The following PWWP3A variants were observed in gnomAD, a reference collection of about 807,000 sequenced individuals.
The protein encoded by PWWP3A is PWWP domain containing 3A, DNA repair factor.
PWWP3A carries 53 observed loss-of-function variants against 79.0 expected under a neutral mutation model. The observed-to-expected ratio is 0.67, with a 90% CI of 0.54 to 0.84. The LOEUF is 0.84. Ranked by LOEUF, PWWP3A falls within the 40% of genes least tolerant of loss-of-function variation. The pLI is 0.00. For missense variants in PWWP3A, 973 were observed against 948.0 expected (o/e 1.03, Z -0.35); for synonymous variants, 443 against 394.4 (o/e 1.12, Z -1.46).
chr19:1,368,865 TGC>T lies in PWWP3A; in HGVS notation c.1423-398_1423-397del, dbSNP rs1274383433. ...AGCCTTCGGGTCCCCGGTGCCCACC[TGC>T]GTTCAGACCAGCCCAAGCCATCGGG... On this transcript the variant is annotated intron_variant, in intron 9 of 13. Transcript: ENST00000591337. The surrounding 1 kb of genome is among the most constrained non-coding windows in gnomAD (Gnocchi z 4.7). Among the ~76,000 whole-genome samples, 2 of 143,410 alleles carry T rather than the reference TGC, an allele frequency of 1.4e-5. No individual in the cohort carries two copies. Among genetic ancestry groups the T allele is most frequent in the African/African-American group, 5.5e-5 (2 of 36,194 alleles). 94.1% of individuals were successfully genotyped at this position (143,410 alleles called of 152,430 possible).
chr19:1,370,048 A>T (rs1484000342), intron 11 of PWWP3A, among the ~76,000 whole-genome samples: 1 of 152,324 alleles, frequency 6.6e-6, no homozygotes, highest in East Asian at 1.9e-4. Context: ...TGATCAACAG[A>T]GCAAGACCCC....
chr19:1,360,960 C>T lies in PWWP3A; in HGVS notation c.1039C>T (p.Pro347Ser). The change falls in exon 5 of 14, where the codon CCG (proline) becomes TCG (serine). Residue 347 changes from proline to serine, a missense_variant. Pro to Ser is a moderately conservative substitution (Grantham distance 74, BLOSUM62 -1). Coordinates refer to ENST00000591337, the MANE Select transcript of PWWP3A (RefSeq NM_001369789.1). This position sits in a 1 kb window ranked among gnomAD's most constrained non-coding sequence, Gnocchi z 4.4. ...CCCGCGCAGCACCGCCAGGCTGGGCCCGCCTCCCTCCCACGCCTCTGCGGA... is the reference window on the plus strand; with the variant it reads ...CCCGCGCAGCACCGCCAGGCTGGGCTCGCCTCCCTCCCACGCCTCTGCGGA... ...VTPRSTARLG[P>S]PPSHASADAT... 1.4e-6 allele frequency: 2 copies of T among 1,476,386 alleles called. No individual in the cohort carries two copies. The highest frequency in any genetic ancestry group is 1.4e-5 in the South Asian group (1 of 72,224). 91.5% of individuals were successfully genotyped at this position (1,476,386 alleles called of 1,614,324 possible). A position where few individuals can be genotyped will look rare whatever the true frequency, so the allele number is the denominator to read the frequency against.
intron 13 of PWWP3A, among the ~76,000 whole-genome samples, chr19:1,375,604 AAT>A (rs1249832128): frequency 4.3e-5 from 2 of 46,568 alleles, no homozygotes; most frequent in Non-Finnish European, 9.2e-5. Context: ...TATATATTAT[AAT>A]ATATACAATT....
chr19:1,356,375 G>T lies in PWWP3A; in HGVS notation c.-18G>T, dbSNP rs763957675. On this transcript the variant is annotated 5_prime_UTR_variant, in exon 2 of 14. Transcript: ENST00000591337. ...ACGTTGTGCCAAATCATTGCCACTT[G>T]CCACATGAGTGTAAATGATGGCGGA... 6 of 1,614,040 alleles carry T rather than the reference G, an allele frequency of 3.7e-6. No individual in the cohort carries two copies. Among genetic ancestry groups the T allele is most frequent in the Non-Finnish European group, 5.1e-6 (6 of 1,179,864 alleles).
At chr19:1,356,684 A>G (rs2081878665) in intron 2 of PWWP3A, among the ~76,000 whole-genome samples, 1 of 152,038 alleles carries the variant, frequency 6.6e-6, no homozygotes, top group South Asian at 2.1e-4. Flanking sequence ...CAGCTGTAAA[A>G]AGGCATGTAA....
intron 12 of PWWP3A, chr19:1,371,584 G>A: frequency 1.7e-6 from 1 of 603,158 alleles, no homozygotes; most frequent in Non-Finnish European, 3.0e-6. Flanking sequence ...TTGGGGCTTG[G>A]TGAGGAGCAA....
chr19:1,362,379 G>T, intron 6 of PWWP3A, 28 bp downstream of exon 6: 1 of 1,586,006 alleles, frequency 6.3e-7, no homozygotes, highest in South Asian at 1.1e-5. Context: ...GGCGCCGGCA[G>T]TCCTAACGGT....
In PWWP3A at chr19:1,370,231, G is replaced by A. The variant is rs185524747; in HGVS notation, c.1550-411G>A. 8.5e-5 allele frequency among the ~76,000 whole-genome samples: 13 copies of A among 152,270 alleles called. 1 individual carries two copies. The East Asian group carries it at 2.5e-3, about 29-fold the overall frequency. ...AGCCTGGGTGACAGAGCAAGACCTG[G>A]TCTCAAAAAGAGAACGTGTCACGAA... On this transcript the variant is annotated intron_variant, in intron 11 of 13. Transcript: ENST00000591337.
rs553375728 is a variant in PWWP3A, at chr19:1,370,661, C to A, written c.1569C>A (p.Ser523=). 6.2e-6 allele frequency: 9 copies of A among 1,449,892 alleles called. No homozygotes were observed. In the African/African-American group the frequency reaches 1.3e-4, roughly 21 times the overall value. 89.8% of individuals were successfully genotyped at this position (1,449,892 alleles called of 1,614,324 possible). A position where few individuals can be genotyped will look rare whatever the true frequency, so the allele number is the denominator to read the frequency against. The change falls in exon 12 of 14, where the codon TCC becomes TCA. Residue 523 remains serine (S), a synonymous_variant. Transcript: ENST00000591337. ...TTGCAGGCTATCCTGTCCGAAAATC[C>A]ATCCAGCAGGACGTCTTGGGGACCA... ...AADISYPVRK[S]IQQDVLGTKL...
chr19:1,360,312 T>C lies in PWWP3A; in HGVS notation c.391T>C (p.Cys131Arg). Residue 131 changes from cysteine to arginine, a missense_variant, in exon 5 of 14, where the codon TGT (cysteine) becomes CGT (arginine). Transcript: ENST00000591337. The surrounding 1 kb of genome is among the most constrained non-coding windows in gnomAD (Gnocchi z 4.4). ...GKPMEHVSSPCDSNSSSLPRG... is the reference protein window; with the variant it reads ...GKPMEHVSSPRDSNSSSLPRG... The stretch of plus-strand genomic sequence containing the variant: ...GCCCATGGAGCATGTCTCCTCGCCC[T>C]GTGATTCGAACTCCTCATCTCTTCC... 1 of 1,613,850 alleles carries C rather than the reference T, an allele frequency of 6.2e-7. No homozygotes were observed. The highest frequency in any genetic ancestry group is 8.5e-7 in the Non-Finnish European group (1 of 1,179,788).
In PWWP3A at chr19:1,360,156, G is replaced by A. The variant is rs1180684780; in HGVS notation, c.235G>A (p.Ala79Thr). 2 of 1,568,654 alleles carry A rather than the reference G, an allele frequency of 1.3e-6. No homozygotes were observed. The highest frequency in any genetic ancestry group is 2.2e-5 in the East Asian group (1 of 44,536). The change falls in exon 5 of 14, where the codon GCG becomes ACG. Residue 79 changes from alanine to threonine, a missense_variant. Physicochemically the swap from Ala to Thr is moderately conservative, Grantham distance 58 (BLOSUM62 0). Transcript: ENST00000591337. This position sits in a 1 kb window ranked among gnomAD's most constrained non-coding sequence, Gnocchi z 4.4. ...TGCAGCCTCACAGAATGAGGTTCCT[G>A]CGGCACCCCTGGAAGAACTGGCCTA... The part of the protein sequence containing the change: ...SSLASQNEVP[A>T]APLEELAYRR...
Position 1,360,030 on chromosome 19 carries a change from T to C in PWWP3A, c.215-106T>C, listed in dbSNP as rs1391390057. 5.1e-6 allele frequency: 6 copies of C among 1,186,754 alleles called. No individual in the cohort carries two copies. The highest frequency in any genetic ancestry group is 5.6e-6 in the Non-Finnish European group (5 of 885,884). The allele number at this position is 1,186,754 out of a possible 1,614,324, so 73.5% of individuals were successfully genotyped here. A position where few individuals can be genotyped will look rare whatever the true frequency, so the allele number is the denominator to read the frequency against. The stretch of plus-strand genomic sequence containing the variant: ...GTCCTCCCCTTCAGTGATTTAGGTA[T>C]GAAACTAGCCGTCAGAATGAGACAA... On this transcript the variant is annotated intron_variant, in intron 4 of 13. Transcript: ENST00000591337. This position sits in a 1 kb window ranked among gnomAD's most constrained non-coding sequence, Gnocchi z 4.4.
intron 13 of PWWP3A, among the ~76,000 whole-genome samples, chr19:1,375,493 T>C (rs1009513460): frequency 2.3e-5 from 3 of 131,268 alleles, no homozygotes; most frequent in Non-Finnish European, 3.1e-5. Context: ...ATATAAAATA[T>C]ATAAATTTTA....
chr19:1,367,904 C>T (rs551695012), intron 9 of PWWP3A, among the ~76,000 whole-genome samples: 4 of 152,288 alleles, frequency 2.6e-5, no homozygotes, highest in East Asian at 1.9e-4. Context: ...GTGTCTTTTC[C>T]ACTCTCAGGG....
chr19:1,367,294 C>T, intron 9 of PWWP3A, 74 bp downstream of exon 9: 1 of 1,285,754 alleles, frequency 7.8e-7, no homozygotes, highest in Non-Finnish European at 1.1e-6. Flanking sequence ...CTGTGTGTAG[C>T]TCTTGAAATC....
Position 1,362,239 on chromosome 19 carries a change from A to C in PWWP3A, c.1112-11A>C. On this transcript the variant is annotated splice_polypyrimidine_tract_variant and intron_variant, in intron 5 of 13. Coordinates refer to ENST00000591337, the MANE Select transcript of PWWP3A (RefSeq NM_001369789.1). ...AATGACCATGAAAGTCTAATATCACATTATTGGCAGAGTGCCAGTCTTCCG... is the reference window on the plus strand; with the variant it reads ...AATGACCATGAAAGTCTAATATCACCTTATTGGCAGAGTGCCAGTCTTCCG... The C allele has an allele frequency of 6.2e-7, 1 of 1,605,766 alleles. No individual in the cohort carries two copies. The highest frequency in any genetic ancestry group is 1.1e-5 in the South Asian group (1 of 90,164).
chr19:1,376,661 A>AG lies in PWWP3A; in HGVS notation c.*90dup. 4 of 1,382,532 alleles carry AG rather than the reference A, an allele frequency of 2.9e-6. No individual in the cohort carries two copies. The highest frequency in any genetic ancestry group is 4.1e-6 in the Non-Finnish European group (4 of 982,576). 85.6% of individuals were successfully genotyped at this position (1,382,532 alleles called of 1,614,324 possible). On this transcript the variant is annotated 3_prime_UTR_variant, in exon 14 of 14. Coordinates refer to ENST00000591337, the MANE Select transcript of PWWP3A (RefSeq NM_001369789.1). Reference sequence around the variant, plus strand: ...GAGCGTGTCTGAAGATGGGGGGCTCAGGGGGCACGTTTGCGTTTGGACCTG... The same window carrying AG: ...GAGCGTGTCTGAAGATGGGGGGCTCAGGGGGGCACGTTTGCGTTTGGACCTG...
rs1443009108 is a variant in PWWP3A at position 1,356,421 on chromosome 19, G to A, written c.29G>A (p.Arg10Gln). MADAKYVLC[R>Q]WEKRLWPAKV... The stretch of plus-strand genomic sequence containing the variant: ...GCGGATGCCAAGTATGTCCTCTGCC[G>A]ATGGGAAAAGCGATTATGGCCTGCG... The change falls in exon 2 of 14, where the codon CGA (arginine) becomes CAA (glutamine). Residue 10 changes from arginine to glutamine, a missense_variant. Arg to Gln is a conservative substitution (Grantham distance 43). Coordinates refer to ENST00000591337, the MANE Select transcript of PWWP3A (RefSeq NM_001369789.1). The A allele has an allele frequency of 1.4e-5, 22 of 1,614,014 alleles. No homozygotes were observed. The highest frequency in any genetic ancestry group is 1.9e-5 in the Non-Finnish European group (22 of 1,180,000).
In PWWP3A at chr19:1,368,399, A is replaced by G. The variant is rs2526136; in HGVS notation, c.1423-866A>G. Among the ~76,000 whole-genome samples, 108,960 of 151,840 alleles carry G rather than the reference A, an allele frequency of 0.72. 39,339 individuals carry two copies. The highest frequency in any genetic ancestry group is 0.82 in the Middle Eastern group (240 of 292). Reference sequence around the variant, plus strand: ...GCTCACATCTGCTTGTGAGTCAGGTATGTGGTGGTCCCGAAGCCCACTTGA... The same window carrying G: ...GCTCACATCTGCTTGTGAGTCAGGTGTGTGGTGGTCCCGAAGCCCACTTGA... On this transcript the variant is annotated intron_variant, in intron 9 of 13. Coordinates refer to ENST00000591337, the MANE Select transcript of PWWP3A (RefSeq NM_001369789.1). This position sits in a 1 kb window ranked among gnomAD's most constrained non-coding sequence, Gnocchi z 4.7.
Sources: allele counts gnomAD v4.1 joint callset (sites outside exome capture counted in the v4.1 genomes callset), GRCh38; gene constraint gnomAD v4.1.1; non-coding constraint Gnocchi (gnomAD v3.1); transcripts MANE v1.5; gene names NCBI Gene and HGNC (gene_info 2026-07-23, HGNC 2026-07-21).